The following SDK1 variants were observed in gnomAD, a reference collection of about 807,000 sequenced individuals.
SDK1 encodes protein sidekick-1.
In SDK1, 157 loss-of-function variants were observed where a neutral mutation model predicts 245.5. The observed-to-expected ratio is 0.64, with a 90% CI of 0.56 to 0.73. The LOEUF is 0.73. Among genes scored for constraint, SDK1 ranks in the 30% least tolerant of loss-of-function variants. The pLI, the probability that SDK1 is intolerant of heterozygous loss-of-function variation, is 0.00. For synonymous variants in SDK1, 1,647 were observed against 1,278.5 expected (o/e 1.29, Z -6.15); for missense variants, 3,583 against 3,002.3 (o/e 1.19, Z -4.52).
chr7:3,975,006 AATAG>A (rs752367552), intron 13 of SDK1, among the ~76,000 whole-genome samples: 87 of 152,244 alleles, frequency 5.7e-4, no homozygotes, highest in Non-Finnish European at 1.1e-3. Flanking sequence ...TCCGTGGGTA[AATAG>A]ATACTTTAAG....
intron 1 of SDK1, among the ~76,000 whole-genome samples, chr7:3,384,221 A>G (rs1781556254): frequency 6.6e-6 from 1 of 152,298 alleles, no homozygotes; most frequent in Non-Finnish European, 1.5e-5. Flanking sequence ...ATTTCTTAAA[A>G]TTGATCTTCC....
chr7:4,209,891 A>G, intron 37 of SDK1, 134 bp from the exon 38 acceptor site: 1 of 830,930 alleles, frequency 1.2e-6, no homozygotes, highest in South Asian at 2.9e-5. Flanking sequence ...TTTTCATTTT[A>G]TGACATTCAG....
chr7:3,535,127 T>C (rs1048888747), intron 1 of SDK1, among the ~76,000 whole-genome samples: 6 of 151,922 alleles, frequency 3.9e-5, no homozygotes, highest in African/African-American at 1.5e-4. Context: ...ATACAAAAAA[T>C]TAGCTGGGCA....
chr7:4,090,998 G>A (rs921360516), intron 22 of SDK1, among the ~76,000 whole-genome samples: 1 of 152,058 alleles, frequency 6.6e-6, no homozygotes, highest in African/African-American at 2.4e-5. Context: ...TATGATCAAA[G>A]TGGGCTGCTG....
Position 3,788,391 on chromosome 7 carries a change from G to T in SDK1, c.714-33059G>T, listed in dbSNP as rs912178574. Among the ~76,000 whole-genome samples the T allele has an allele frequency of 3.3e-5, 5 of 152,288 alleles. No individual in the cohort carries two copies. The South Asian group carries it at 8.3e-4, about 25-fold the overall frequency. ...GTCTCGTGCTTTCTAGCTTCTGCCA[G>T]GCCGGAGAGTCTGTGCAGAGGGGAT... is the stretch of plus-strand genomic sequence containing the variant. On this transcript the variant is annotated intron_variant, in intron 4 of 44. Coordinates refer to ENST00000404826, the MANE Select transcript of SDK1 (RefSeq NM_152744.4).
Position 4,051,138 on chromosome 7 carries a change from T to C in SDK1, c.2719-500T>C, listed in dbSNP as rs1583949791. 2.9e-5 allele frequency among the ~76,000 whole-genome samples: 4 copies of C among 140,024 alleles called. 1 individual carries two copies. The Admixed American group carries it at 3.0e-4, about 11-fold the overall frequency. 91.9% of individuals were successfully genotyped at this position (140,024 alleles called of 152,430 possible). On this transcript the variant is annotated intron_variant, in intron 18 of 44. Transcript: ENST00000404826. ...TATAATATATACATATTATATATAA[T>C]ATATGTATAATATATACATATAGTA...
chr7:3,661,944 T>G (rs192594214), intron 4 of SDK1, among the ~76,000 whole-genome samples: 1 of 152,124 alleles, frequency 6.6e-6, no homozygotes. Flanking sequence ...ACTACCTGGG[T>G]GTAGTAAGAC....
chr7:3,893,595 A>G (rs1047469813), intron 5 of SDK1, among the ~76,000 whole-genome samples: 3 of 151,702 alleles, frequency 2.0e-5, no homozygotes, highest in Non-Finnish European at 4.4e-5. Context: ...GCTTTCTGCA[A>G]TCCTCCCCCG....
intron 38 of SDK1, among the ~76,000 whole-genome samples, chr7:4,217,914 G>T (rs902025674): frequency 1.3e-5 from 2 of 152,156 alleles, no homozygotes; most frequent in African/African-American, 2.4e-5. Flanking sequence ...GAGAAGGAAG[G>T]CATTTTTAAC....
intron 1 of SDK1, among the ~76,000 whole-genome samples, chr7:3,472,721 C>T (rs577732702): frequency 6.6e-6 from 1 of 152,300 alleles, no homozygotes; most frequent in South Asian, 2.1e-4. Context: ...ACCTAGATTA[C>T]TGAATTTGCA....
At chr7:3,598,653 C>G (rs1781149766) in intron 1 of SDK1, among the ~76,000 whole-genome samples, 1 of 152,156 alleles carries the variant, frequency 6.6e-6, no homozygotes. Flanking sequence ...AACCCTAATC[C>G]CTTCTCTATT....
At chr7:3,901,450 T>C (rs1377863607) in intron 5 of SDK1, among the ~76,000 whole-genome samples, 1 of 152,200 alleles carries the variant, frequency 6.6e-6, no homozygotes, top group African/African-American at 2.4e-5. Flanking sequence ...CCTCCCAAAG[T>C]GCTGGGATTA....
intron 1 of SDK1, among the ~76,000 whole-genome samples, chr7:3,337,692 G>A (rs1304645621): frequency 1.3e-5 from 2 of 152,144 alleles, no homozygotes; most frequent in Non-Finnish European, 2.9e-5. Context: ...CCAAATGAGA[G>A]GAGCCTTCTC....
chr7:4,183,640 CAAAAAAAAA>C (rs548155248), intron 35 of SDK1, among the ~76,000 whole-genome samples: 1 of 73,154 alleles, frequency 1.4e-5, no homozygotes, highest in Admixed American at 1.6e-4. Flanking sequence ...GACTCCGTCT[CAAAAAAAAA>C]AAAAAAAAAA....
intron 5 of SDK1, among the ~76,000 whole-genome samples, chr7:3,852,472 G>C (rs999037428): frequency 6.6e-6 from 1 of 151,190 alleles, no homozygotes. Flanking sequence ...TTTTGGCCGG[G>C]CACGGTGGCT....
At chr7:4,166,341 A>G (rs1229470512) in intron 32 of SDK1, among the ~76,000 whole-genome samples, 2 of 152,260 alleles carry the variant, frequency 1.3e-5, no homozygotes, top group Non-Finnish European at 2.9e-5. Context: ...GGCAGGCCAC[A>G]GAATGTGAAG....
chr7:4,228,318 G>A (rs937798182), intron 40 of SDK1, among the ~76,000 whole-genome samples: 7 of 136,588 alleles, frequency 5.1e-5, no homozygotes, highest in South Asian at 4.6e-4. Flanking sequence ...GACCAAGCAC[G>A]ATAGACAGGT....
At chr7:3,950,077 C>T (rs1430473796) in intron 5 of SDK1, among the ~76,000 whole-genome samples, 2 of 152,336 alleles carry the variant, frequency 1.3e-5, no homozygotes, top group Admixed American at 1.3e-4. Context: ...AAAATAAAGC[C>T]AGCAAGCATT....
chr7:4,145,183 G>A (rs1488354884), intron 28 of SDK1, among the ~76,000 whole-genome samples: 2 of 152,176 alleles, frequency 1.3e-5, no homozygotes, highest in East Asian at 3.9e-4. Flanking sequence ...CCAAAGAAGG[G>A]GCCGGATGGA....
Sources: gnomAD v4.1 joint callset for allele counts (sites outside exome capture counted in the v4.1 genomes callset) on GRCh38, gnomAD v4.1.1 for gene constraint, MANE v1.5 for transcripts, NCBI Gene and HGNC (gene_info 2026-07-23, HGNC 2026-07-21) for gene names.